Variants in NFXL1 observed in about 807,000 individuals in gnomAD.
NFXL1 encodes the protein nuclear transcription factor, X-box binding like 1.
Under a neutral mutation model 123.3 loss-of-function variants are expected in NFXL1, and 66 were observed. The ratio of observed to expected loss-of-function variants is 0.54; its 90% CI spans 0.44 to 0.66. The LOEUF (loss-of-function observed/expected upper bound fraction) is 0.66. NFXL1 is among the 30% of genes least tolerant of loss of function. The probability of loss-of-function intolerance (pLI) is 0.00; values close to 1 mark genes in which losing one functional copy is unlikely to be tolerated. For missense variants in NFXL1, 944 were observed against 1,125.6 expected (o/e 0.84, Z 2.31); for synonymous variants, 346 against 360.8 (o/e 0.96, Z 0.46).
At chr4:47,907,941 G>C (rs1465963159) in intron 3 of NFXL1, among the ~76,000 whole-genome samples, 1 of 152,112 alleles carries the variant, frequency 6.6e-6, no homozygotes, top group Non-Finnish European at 1.5e-5. Flanking sequence ...TTCTTACCTT[G>C]CCAACCTAGA....
chr4:47,865,488 G>GAAA (rs56109844), intron 18 of NFXL1, among the ~76,000 whole-genome samples: 6 of 127,212 alleles, frequency 4.7e-5, no homozygotes, highest in African/African-American at 1.2e-4. Flanking sequence ...CTATAACTAG[G>GAAA]AAAAAAAAAA....
chr4:47,884,359 C>A lies in NFXL1; in HGVS notation c.1903G>T (p.Val635Phe). Residue 635 changes from valine (V) to phenylalanine (F), a missense_variant, in exon 15 of 23, where the codon GTT becomes TTT. Around this residue, in one of 4 missense-constraint regions of NFXL1, gnomAD observed 301 missense variants for 348.0 expected, o/e 0.86. Coordinates refer to ENST00000507489, the MANE Select transcript of NFXL1 (RefSeq NM_001278624.2). ...QTALPCPPCQ[V>F]PIPMECLGKH... Reference sequence around the variant, plus strand: ...TCTAATACTTACATAGGAATAGGAACTTGACATGGAGGACACGGTAATGCA... The same window carrying A: ...TCTAATACTTACATAGGAATAGGAAATTGACATGGAGGACACGGTAATGCA... The A allele has an allele frequency of 6.3e-7, 1 of 1,584,600 alleles. No individual in the cohort carries two copies. Among genetic ancestry groups the A allele is most frequent in the Non-Finnish European group, 8.6e-7 (1 of 1,157,016 alleles).
chr4:47,869,454 A>G (rs1350364993), intron 18 of NFXL1, among the ~76,000 whole-genome samples: 3 of 152,192 alleles, frequency 2.0e-5, no homozygotes, highest in Non-Finnish European at 4.4e-5. Context: ...TTAGAAAAAT[A>G]TTACAAACAC....
At chr4:47,913,884 AAAG>A in intron 2 of NFXL1, 82 bp downstream of exon 2, 1 of 892,362 alleles carries the variant, frequency 1.1e-6, no homozygotes, top group Non-Finnish European at 1.6e-6. Context: ...GCAGTGAAAG[AAAG>A]AAGGCGAGGG....
intron 2 of NFXL1, 108 bp from the exon 3 acceptor site, chr4:47,911,102 G>A (rs1560607552): frequency 6.7e-6 from 4 of 597,936 alleles, no homozygotes; most frequent in Non-Finnish European, 1.1e-5. Flanking sequence ...CACCTTTGGA[G>A]CATTCTACCT....
chr4:47,848,662 G>A (rs551856048), intron 22 of NFXL1, among the ~76,000 whole-genome samples: 31 of 152,316 alleles, frequency 2.0e-4, no homozygotes, highest in African/African-American at 7.5e-4. Flanking sequence ...GGCTGAGGCA[G>A]GCGGGTCACA....
intron 15 of NFXL1, among the ~76,000 whole-genome samples, chr4:47,883,516 T>C (rs1736239033): frequency 6.6e-6 from 1 of 152,190 alleles, no homozygotes; most frequent in Non-Finnish European, 1.5e-5. Context: ...CTCTGCTAAC[T>C]ACACAGCCCA....
intron 9 of NFXL1, 71 bp downstream of exon 9, chr4:47,897,896 C>T (rs977041412): frequency 2.2e-5 from 20 of 924,014 alleles, no homozygotes; most frequent in African/African-American, 6.7e-5. Context: ...TCCTGGAGGA[C>T]GTCTTTTGAA....
chr4:47,903,202 G>A lies in NFXL1; in HGVS notation c.638C>T (p.Pro213Leu). Residue 213 changes from proline (P) to leucine (L), a missense_variant, in exon 5 of 23, where the codon CCC (proline) becomes CTC (leucine). Pro to Leu is a moderately conservative substitution (Grantham distance 98). This residue lies in a region of NFXL1 where 303 missense variants were observed against 292.1 expected (regional missense o/e 1.04). Coordinates refer to ENST00000507489, the MANE Select transcript of NFXL1 (RefSeq NM_001278624.2). ...AATTAGAAAAAGTTACCAAGGCCAG[G>A]GACAATCTTTCTTTCCAAAATCATC... ...TDDDFGKKDC[P>L]WPCPKCRFEY... 6.3e-7 allele frequency: 1 copy of A among 1,582,476 alleles called. No homozygotes were observed.
At chr4:47,877,276 A>T (rs1735813005) in intron 17 of NFXL1, 4 of 419,834 alleles carry the variant, frequency 9.5e-6, no homozygotes, top group South Asian at 6.8e-5. Flanking sequence ...ACACTTACTA[A>T]ATTATCTTCC....
At chr4:47,871,929 T>C (rs1735463624) in intron 18 of NFXL1, among the ~76,000 whole-genome samples, 1 of 152,182 alleles carries the variant, frequency 6.6e-6, no homozygotes, top group South Asian at 2.1e-4. Flanking sequence ...AAAATATATT[T>C]ACAAAAAGCT....
chr4:47,871,326 G>C (rs1735416786), intron 18 of NFXL1, among the ~76,000 whole-genome samples: 1 of 151,250 alleles, frequency 6.6e-6, no homozygotes, highest in South Asian at 2.1e-4. Context: ...ACTCCAGCCT[G>C]GGTGACAGAG....
At chr4:47,898,664 T>C (rs781470222) in intron 8 of NFXL1, 93 bp downstream of exon 8, 4 of 781,428 alleles carry the variant, frequency 5.1e-6, no homozygotes, top group Non-Finnish European at 9.0e-6. Flanking sequence ...TTGCCTTTTA[T>C]CCAACTAAAC....
In NFXL1 at chr4:47,851,079, T is replaced by C. The variant is rs755259735; in HGVS notation, c.2562+16A>G. 6.3e-7 allele frequency: 1 copy of C among 1,591,472 alleles called. No individual in the cohort carries two copies. The highest frequency in any genetic ancestry group is 8.6e-7 in the Non-Finnish European group (1 of 1,159,526). ...TGATGCTAAGAGACATAAATCTGGG[T>C]ATTTTGTTTGGTTACCTGTTGTCTT... On this transcript the variant is annotated intron_variant, in intron 22 of 22. Transcript: ENST00000507489.
chr4:47,890,149 G>T (rs1474874404), intron 12 of NFXL1, among the ~76,000 whole-genome samples: 1 of 152,112 alleles, frequency 6.6e-6, no homozygotes, highest in South Asian at 2.1e-4. Context: ...CCAAAGGATT[G>T]TAAAGGGGTC....
intron 20 of NFXL1, among the ~76,000 whole-genome samples, chr4:47,853,705 T>C (rs1386443418): frequency 6.6e-6 from 1 of 152,100 alleles, no homozygotes; most frequent in Non-Finnish European, 1.5e-5. Flanking sequence ...ATATATGTAT[T>C]AGGGCACTTA....
In NFXL1 at chr4:47,899,537, C is replaced by G. The variant is rs1412730081; in HGVS notation, c.659G>C (p.Arg220Thr). Residue 220 changes from arginine to threonine, a missense_variant, in exon 6 of 23, where the codon AGG becomes ACG. Arg to Thr is a moderately conservative substitution (Grantham distance 71). Coordinates refer to ENST00000507489, the MANE Select transcript of NFXL1 (RefSeq NM_001278624.2). ...TGTTTCAGATCGTTTGTATTCAAAC[C>G]TACATTTTGGACTACAAAGAAGAAG... is the stretch of plus-strand genomic sequence containing the variant. ...KDCPWPCPKC[R>T]FEYKRSETPS... 6.2e-7 allele frequency: 1 copy of G among 1,608,654 alleles called. No homozygotes were observed. The highest frequency in any genetic ancestry group is 1.7e-5 in the Admixed American group (1 of 59,574).
At position 47,881,579 on chromosome 4, in the gene NFXL1, C is replaced by T. The variant is rs1162191843; in HGVS notation, c.1917-2462G>A. ...TGTCTACACAAAAATCTGCACATAA[C>T]ATAAATGTTTATAGCAGCTTTATTC... On this transcript the variant is annotated intron_variant, in intron 15 of 22. Transcript: ENST00000507489. Among the ~76,000 whole-genome samples the T allele has an allele frequency of 3.9e-5, 6 of 152,158 alleles. No individual in the cohort carries two copies. The East Asian group carries it at 5.8e-4, about 15-fold the overall frequency.
At chr4:47,860,947 G>T (rs193257063) in intron 19 of NFXL1, among the ~76,000 whole-genome samples, 1 of 151,948 alleles carries the variant, frequency 6.6e-6, no homozygotes, top group Non-Finnish European at 1.5e-5. Flanking sequence ...CCGCCTCCTG[G>T]GTTCAAGTGA....
Sources: allele counts gnomAD v4.1 joint callset (sites outside exome capture counted in the v4.1 genomes callset), GRCh38; gene constraint gnomAD v4.1.1; regional missense constraint gnomAD v4.1.1; transcripts MANE v1.5; gene names NCBI Gene and HGNC (gene_info 2026-07-23, HGNC 2026-07-21).